Variants in CFAP20DC observed in about 807,000 individuals in gnomAD.
CFAP20DC encodes protein CFAP20DC.
A neutral mutation model predicts 101.7 loss-of-function variants in CFAP20DC; 84 were observed. The ratio of observed to expected loss-of-function variants is 0.83; its 90% CI spans 0.69 to 0.99. The LOEUF is 0.99. Among genes scored for constraint, CFAP20DC ranks in the 50% least tolerant of loss-of-function variants. The pLI is 0.00. For missense variants in CFAP20DC, 1,007 were observed against 970.3 expected (o/e 1.04, Z -0.50); for synonymous variants, 359 against 351.2 (o/e 1.02, Z -0.25).
intron 12 of CFAP20DC, among the ~76,000 whole-genome samples, chr3:58,853,407 A>T (rs1326017318): frequency 2.6e-5 from 4 of 152,186 alleles, no homozygotes; most frequent in Non-Finnish European, 5.9e-5. Flanking sequence ...CCAGAGGTAC[A>T]AGGAAGAACT....
At chr3:58,741,972 A>C (rs1470954058), downstream of CFAP20DC, 4 of 580,928 alleles carry the variant, frequency 6.9e-6, no homozygotes, top group Non-Finnish European at 8.7e-6. Flanking sequence ...CTGGAAAAGA[A>C]AGTGGGGTGA....
At chr3:58,816,141 A>C (rs1024698527) in intron 14 of CFAP20DC, among the ~76,000 whole-genome samples, 1 of 151,844 alleles carries the variant, frequency 6.6e-6, no homozygotes, top group Non-Finnish European at 1.5e-5. Context: ...CTGGATTAAG[A>C]AAATGTGGCA....
intron 4 of CFAP20DC, among the ~76,000 whole-genome samples, chr3:59,016,980 T>C (rs1021453516): frequency 1.3e-5 from 2 of 152,046 alleles, no homozygotes; most frequent in Non-Finnish European, 2.9e-5. Flanking sequence ...AAGAAAGGCA[T>C]CACAAACCAA....
At chr3:58,925,112 G>A (rs2085806408) in intron 5 of CFAP20DC, among the ~76,000 whole-genome samples, 1 of 151,412 alleles carries the variant, frequency 6.6e-6, no homozygotes, top group Non-Finnish European at 1.5e-5. Flanking sequence ...GTCATGTCTG[G>A]GTCTGTTTCT....
chr3:58,743,964 T>C (rs767637626), intron 16 of CFAP20DC, among the ~76,000 whole-genome samples: 2 of 152,184 alleles, frequency 1.3e-5, no homozygotes, highest in Non-Finnish European at 2.9e-5. Context: ...GTTCAGGACA[T>C]GATGACAAGA....
At chr3:58,842,754 A>C (rs900869791) in intron 13 of CFAP20DC, among the ~76,000 whole-genome samples, 2 of 152,234 alleles carry the variant, frequency 1.3e-5, no homozygotes, top group African/African-American at 4.8e-5. Context: ...CTGCAGACTT[A>C]AGTGTCCCTG....
At chr3:58,862,518 A>C (rs1187247624) in intron 12 of CFAP20DC, 1 of 985,318 alleles carries the variant, frequency 1.0e-6, no homozygotes, top group Non-Finnish European at 1.2e-6. Context: ...TGAAAAGACG[A>C]TCCTCTACGC....
At chr3:58,789,849 G>A (rs537856870) in intron 15 of CFAP20DC, among the ~76,000 whole-genome samples, 1 of 152,146 alleles carries the variant, frequency 6.6e-6, no homozygotes, top group South Asian at 2.1e-4. Context: ...AAATCACCAG[G>A]CTACCATCAT....
At chr3:58,791,884 C>A (rs1289975815) in intron 15 of CFAP20DC, among the ~76,000 whole-genome samples, 1 of 152,110 alleles carries the variant, frequency 6.6e-6, no homozygotes, top group South Asian at 2.1e-4. Context: ...CAAGAAATAA[C>A]GTAGGCCCTT....
At chr3:59,018,849 A>G (rs572255595) in intron 4 of CFAP20DC, 1 of 152,240 alleles carries the variant, frequency 6.6e-6, no homozygotes, top group South Asian at 2.1e-4. Flanking sequence ...CTTTGTCCTT[A>G]GTAAATATAC....
chr3:58,924,960 T>C (rs1203473102), intron 5 of CFAP20DC, among the ~76,000 whole-genome samples: 1 of 152,050 alleles, frequency 6.6e-6, no homozygotes, highest in African/African-American at 2.4e-5. Context: ...TCTTTGTAGA[T>C]TGTGAATTTT....
chr3:58,762,438 C>T (rs1291541946), intron 15 of CFAP20DC, among the ~76,000 whole-genome samples: 2 of 152,090 alleles, frequency 1.3e-5, no homozygotes, highest in East Asian at 1.9e-4. Context: ...TGTCTCTGCA[C>T]ATGAGATGGG....
At chr3:58,786,138 T>C (rs558814841) in intron 15 of CFAP20DC, among the ~76,000 whole-genome samples, 2 of 152,286 alleles carry the variant, frequency 1.3e-5, no homozygotes, top group Admixed American at 6.5e-5. Context: ...AACTCGTTTT[T>C]CTCTTGCTAA....
chr3:59,020,543 ATG>A (rs10576227), intron 4 of CFAP20DC, among the ~76,000 whole-genome samples: 32,666 of 151,270 alleles, frequency 0.22, 3,796 homozygotes, highest in African/African-American at 0.3. Flanking sequence ...GCATGAAATA[ATG>A]TGTGTGTGTG....
intron 15 of CFAP20DC, among the ~76,000 whole-genome samples, chr3:58,783,253 A>G (rs1007559639): frequency 6.6e-6 from 1 of 152,000 alleles, no homozygotes; most frequent in African/African-American, 2.4e-5. Flanking sequence ...CTAGATGCCT[A>G]CTTCTCATCA....
chr3:59,008,258 C>T (rs915012965), intron 4 of CFAP20DC, among the ~76,000 whole-genome samples: 2 of 152,224 alleles, frequency 1.3e-5, no homozygotes, highest in Middle Eastern at 3.4e-3. Flanking sequence ...AGGACAGGAG[C>T]GAGGCTGTGA....
At chr3:58,835,555 A>C (rs2076679826) in intron 13 of CFAP20DC, among the ~76,000 whole-genome samples, 2 of 152,188 alleles carry the variant, frequency 1.3e-5, no homozygotes, top group African/African-American at 4.8e-5. Flanking sequence ...GGCACTGCTG[A>C]TGCTATATTT....
chr3:58,797,768 A>G (rs1246496692), intron 15 of CFAP20DC, among the ~76,000 whole-genome samples: 1 of 152,200 alleles, frequency 6.6e-6, no homozygotes, highest in Non-Finnish European at 1.5e-5. Flanking sequence ...GTTGGGGGCT[A>G]ATGCAGCTGG....
At chr3:58,994,689 T>C (rs2093054262) in intron 4 of CFAP20DC, among the ~76,000 whole-genome samples, 1 of 152,196 alleles carries the variant, frequency 6.6e-6, no homozygotes, top group African/African-American at 2.4e-5. Flanking sequence ...TTTCCTATTA[T>C]GTTTTATTTG....
Sources: gnomAD v4.1 joint callset for allele counts (sites outside exome capture counted in the v4.1 genomes callset) on GRCh38, gnomAD v4.1.1 for gene constraint, MANE v1.5 for transcripts, NCBI Gene and HGNC (gene_info 2026-07-23, HGNC 2026-07-21) for gene names.